ZBTB20: variants seen among roughly 807,000 people sequenced by gnomAD.
The protein encoded by ZBTB20 is zinc finger and BTB domain containing 20.
Under a neutral mutation model 56.9 loss-of-function variants are expected in ZBTB20, and 9 were observed. The observed-to-expected ratio is 0.16, with a 90% confidence interval of 0.10 to 0.28. The LOEUF is 0.28. ZBTB20 is among the 10% of genes least tolerant of loss of function. The pLI is 1.00. For synonymous variants in ZBTB20, 417 were observed against 420.7 expected (o/e 0.99, Z 0.11); for missense variants, 655 against 1,003.0 (o/e 0.65, Z 4.69).
At chr3:115,144,012 G>A (rs2084895285) in intron 1 of ZBTB20, among the ~76,000 whole-genome samples, 1 of 152,158 alleles carries the variant, frequency 6.6e-6, no homozygotes, top group Non-Finnish European at 1.5e-5. Context: ...AGCTCCACAA[G>A]GGCAGGCAAT....
At chr3:114,839,466 A>AGAAAGAAC (rs1491368999) in intron 4 of ZBTB20, among the ~76,000 whole-genome samples, 1 of 147,366 alleles carries the variant, frequency 6.8e-6, no homozygotes, top group Non-Finnish European at 1.5e-5. Context: ...AAAGAAAGAA[A>AGAAAGAAC]GAGAGAGAGA....
At chr3:115,107,274 GC>G (rs1488998720) in intron 1 of ZBTB20, among the ~76,000 whole-genome samples, 1 of 152,070 alleles carries the variant, frequency 6.6e-6, no homozygotes, top group Non-Finnish European at 1.5e-5. Flanking sequence ...AAAAAAATCA[GC>G]CTTGTATGAT....
intron 6 of ZBTB20, among the ~76,000 whole-genome samples, chr3:114,584,025 T>C (rs1190939925): frequency 6.6e-6 from 1 of 152,224 alleles, no homozygotes; most frequent in Non-Finnish European, 1.5e-5. Context: ...TATAAAGTCA[T>C]AGCTTGATCA....
At chr3:114,573,047 A>G (rs1181647930) in intron 6 of ZBTB20, among the ~76,000 whole-genome samples, 1 of 152,246 alleles carries the variant, frequency 6.6e-6, no homozygotes, top group Non-Finnish European at 1.5e-5. Flanking sequence ...ATTACAAATG[A>G]TTGAAAACAA....
chr3:114,711,571 T>C (rs1004241028), intron 5 of ZBTB20, among the ~76,000 whole-genome samples: 7 of 152,222 alleles, frequency 4.6e-5, no homozygotes, highest in South Asian at 2.1e-4. Flanking sequence ...TCAAATTAGA[T>C]AGTTAACTAA....
chr3:114,694,482 A>G (rs2062882571), intron 5 of ZBTB20, among the ~76,000 whole-genome samples: 1 of 152,080 alleles, frequency 6.6e-6, no homozygotes, highest in South Asian at 2.1e-4. Context: ...TTAAGCCAAA[A>G]TGGATTTAGA....
At chr3:114,638,558 C>G (rs1369255779) in intron 6 of ZBTB20, among the ~76,000 whole-genome samples, 5 of 152,108 alleles carry the variant, frequency 3.3e-5, no homozygotes, top group African/African-American at 1.2e-4. Flanking sequence ...AACTAGATAA[C>G]AGACATTGGT....
intron 10 of ZBTB20, among the ~76,000 whole-genome samples, chr3:114,353,807 T>C (rs987736731): frequency 1.3e-5 from 2 of 152,218 alleles, no homozygotes; most frequent in African/African-American, 2.4e-5. Flanking sequence ...ACAGCAACCA[T>C]GGGAAGTAGA....
rs1288853246 is a variant in ZBTB20 at position 114,866,311 on chromosome 3, T to C, written c.-417+33993A>G. Among the ~76,000 whole-genome samples the C allele has an allele frequency of 2.0e-5, 3 of 152,174 alleles. No individual in the cohort carries two copies. In the East Asian group the frequency reaches 5.8e-4, roughly 29 times the overall value. On this transcript the variant is annotated intron_variant, in intron 4 of 11. Coordinates refer to ENST00000675478, the MANE Select transcript of ZBTB20 (RefSeq NM_001348800.3). ...CTAAGGTTGAGTAATTTGCCTATTG[T>C]TATACAGTAAGGGGCGAAGACAGAA...
chr3:114,466,019 T>C (rs1446889960), intron 7 of ZBTB20, among the ~76,000 whole-genome samples: 1 of 152,062 alleles, frequency 6.6e-6, no homozygotes, highest in African/African-American at 2.4e-5. Flanking sequence ...TAAGCATATA[T>C]ATATATATGC....
intron 7 of ZBTB20, among the ~76,000 whole-genome samples, chr3:114,448,700 A>G (rs536098017): frequency 1.2e-4 from 18 of 152,352 alleles, no homozygotes; most frequent in Non-Finnish European, 2.1e-4. Context: ...ATAGCTGCAT[A>G]AAATTCAGCA....
intron 6 of ZBTB20, among the ~76,000 whole-genome samples, chr3:114,522,206 T>G (rs915749815): frequency 6.6e-6 from 1 of 151,970 alleles, no homozygotes; most frequent in African/African-American, 2.4e-5. Context: ...TACTTAGAAG[T>G]GAAAATTGAG....
chr3:115,014,871 T>C (rs183843979), intron 2 of ZBTB20, among the ~76,000 whole-genome samples: 3 of 151,898 alleles, frequency 2.0e-5, no homozygotes, highest in African/African-American at 4.8e-5. Flanking sequence ...GACAAGACAA[T>C]ACAAAAGACA....
intron 4 of ZBTB20, among the ~76,000 whole-genome samples, chr3:114,830,774 C>G (rs906834042): frequency 1.3e-5 from 2 of 151,924 alleles, no homozygotes; most frequent in African/African-American, 2.4e-5. Context: ...ACATATTTTA[C>G]AATATAATTT....
chr3:114,501,512 G>C (rs2043956557), intron 6 of ZBTB20, among the ~76,000 whole-genome samples: 1 of 151,100 alleles, frequency 6.6e-6, no homozygotes. Context: ...TGTAATCCCA[G>C]CTACTTGGGA....
At chr3:114,799,337 A>G (rs191841913) in intron 5 of ZBTB20, among the ~76,000 whole-genome samples, 24 of 152,100 alleles carry the variant, frequency 1.6e-4, no homozygotes, top group Non-Finnish European at 2.8e-4. Context: ...AGGATGTGGT[A>G]TGAATGGTCA....
chr3:114,699,942 A>G (rs189709546), intron 5 of ZBTB20, among the ~76,000 whole-genome samples: 2 of 152,128 alleles, frequency 1.3e-5, no homozygotes, highest in African/African-American at 4.8e-5. Flanking sequence ...GACTAAATCA[A>G]AGTTGTATAA....
At chr3:114,724,908 T>C (rs1455282201) in intron 5 of ZBTB20, among the ~76,000 whole-genome samples, 1 of 152,088 alleles carries the variant, frequency 6.6e-6, no homozygotes, top group African/African-American at 2.4e-5. Context: ...TTAAATAAAT[T>C]TTATAAAATA....
In ZBTB20 at chr3:114,368,578, T is replaced by C. The variant is rs574364012; in HGVS notation, c.199+11639A>G. 1.6e-4 allele frequency among the ~76,000 whole-genome samples: 25 copies of C among 152,344 alleles called. No individual in the cohort carries two copies. In the South Asian group the frequency reaches 4.3e-3, roughly 26 times the overall value. On this transcript the variant is annotated intron_variant, in intron 10 of 11. Coordinates refer to ENST00000675478, the MANE Select transcript of ZBTB20 (RefSeq NM_001348800.3). ...GGAAGTGGCTTTTTCCTTCTGTTAG[T>C]TCTCTGACCCTAATGTAACAAAATC...
Sources: allele counts gnomAD v4.1 joint callset (sites outside exome capture counted in the v4.1 genomes callset), GRCh38; gene constraint gnomAD v4.1.1; transcripts MANE v1.5; gene names NCBI Gene and HGNC (gene_info 2026-07-23, HGNC 2026-07-21).